The following CEP112 variants were observed in gnomAD, a reference collection of about 807,000 sequenced individuals.
The protein encoded by CEP112 is centrosomal protein of 112 kDa.
CEP112 carries 127 observed loss-of-function variants against 153.0 expected under a neutral mutation model. That is an observed-to-expected ratio of 0.83 (90% CI 0.72 to 0.96). The LOEUF (loss-of-function observed/expected upper bound fraction) is 0.96, where lower values mean the gene tolerates loss of function less well. Ranked by LOEUF, CEP112 falls within the 40% of genes least tolerant of loss-of-function variation. The probability of loss-of-function intolerance (pLI) is 0.00; values close to 1 mark genes in which losing one functional copy is unlikely to be tolerated. For synonymous variants in CEP112, 358 were observed against 374.4 expected (o/e 0.96, Z 0.51); for missense variants, 1,089 against 1,101.2 (o/e 0.99, Z 0.16).
intron 24 of CEP112, among the ~76,000 whole-genome samples, chr17:65,668,306 C>T (rs796398598): frequency 7.9e-5 from 12 of 152,286 alleles, no homozygotes; most frequent in African/African-American, 2.9e-4. Context: ...ACATCGAAAA[C>T]ATCTCTGCCC....
intron 4 of CEP112, among the ~76,000 whole-genome samples, chr17:66,167,086 A>G (rs1290186035): frequency 6.6e-6 from 1 of 152,178 alleles, no homozygotes; most frequent in Admixed American, 6.5e-5. Context: ...TTATTTTGAT[A>G]TTGTGCAGGA....
intron 4 of CEP112, among the ~76,000 whole-genome samples, chr17:66,141,483 T>C (rs2070697476): frequency 6.6e-6 from 1 of 152,204 alleles, no homozygotes; most frequent in African/African-American, 2.4e-5. Flanking sequence ...GCAGCTATAA[T>C]CACAGTGTTG....
intron 10 of CEP112, among the ~76,000 whole-genome samples, chr17:66,065,110 A>G (rs1014782997): frequency 6.6e-6 from 1 of 152,108 alleles, no homozygotes; most frequent in Non-Finnish European, 1.5e-5. Flanking sequence ...CTTCTCATTC[A>G]CTAAATCATG....
intron 24 of CEP112, among the ~76,000 whole-genome samples, chr17:65,645,502 C>G (rs1360431555): frequency 6.6e-6 from 1 of 152,078 alleles, no homozygotes; most frequent in African/African-American, 2.4e-5. Flanking sequence ...TGGTTTCAAT[C>G]TCTGTAATCT....
At chr17:65,744,259 G>C (rs891622859) in intron 22 of CEP112, among the ~76,000 whole-genome samples, 2 of 151,314 alleles carry the variant, frequency 1.3e-5, no homozygotes, top group African/African-American at 4.9e-5. Flanking sequence ...TTGTTTGTTT[G>C]TTTGTTTGTT....
chr17:65,943,999 T>A (rs1163515067), intron 18 of CEP112, among the ~76,000 whole-genome samples: 1 of 152,230 alleles, frequency 6.6e-6, no homozygotes, highest in East Asian at 1.9e-4. Context: ...TTTTGAGACT[T>A]GTCGTTGCAT....
chr17:65,931,807 A>G (rs986523951), intron 18 of CEP112, among the ~76,000 whole-genome samples: 1 of 152,230 alleles, frequency 6.6e-6, no homozygotes, highest in Non-Finnish European at 1.5e-5. Context: ...ATACAATCTT[A>G]GCAGTGATTG....
chr17:65,753,086 T>C (rs1015518555), intron 21 of CEP112, among the ~76,000 whole-genome samples: 1 of 152,206 alleles, frequency 6.6e-6, no homozygotes, highest in Non-Finnish European at 1.5e-5. Flanking sequence ...GGAGTAGAGA[T>C]AAAAACAGGT....
intron 4 of CEP112, among the ~76,000 whole-genome samples, chr17:66,165,027 A>C (rs2071892383): frequency 6.6e-6 from 1 of 151,182 alleles, no homozygotes; most frequent in Non-Finnish European, 1.5e-5. Flanking sequence ...TCACCAAAAA[A>C]GGGAGCTGCC....
At chr17:66,044,359 T>G (rs2066111246) in intron 12 of CEP112, among the ~76,000 whole-genome samples, 2 of 152,074 alleles carry the variant, frequency 1.3e-5, no homozygotes. Flanking sequence ...GAAAATGTAT[T>G]TTAGATTTAA....
At chr17:65,700,247 T>A (rs534369662) in intron 23 of CEP112, among the ~76,000 whole-genome samples, 1 of 152,302 alleles carries the variant, frequency 6.6e-6, no homozygotes, top group African/African-American at 2.4e-5. Flanking sequence ...AATCTGGGCA[T>A]ATCGCATGTA....
At chr17:65,919,094 C>G (rs540621529) in intron 19 of CEP112, among the ~76,000 whole-genome samples, 1 of 152,136 alleles carries the variant, frequency 6.6e-6, no homozygotes, top group Non-Finnish European at 1.5e-5. Flanking sequence ...ATGAATAGCA[C>G]CCCCCTGGGG....
At chr17:66,041,732 A>G (rs998239775) in intron 12 of CEP112, among the ~76,000 whole-genome samples, 1 of 152,236 alleles carries the variant, frequency 6.6e-6, no homozygotes, top group Non-Finnish European at 1.5e-5. Context: ...CAACAAAATG[A>G]AGAAATATTG....
chr17:66,040,441 T>C (rs1387704796), intron 12 of CEP112, among the ~76,000 whole-genome samples: 1 of 151,998 alleles, frequency 6.6e-6, no homozygotes, highest in African/African-American at 2.4e-5. Context: ...CTTTATTGAA[T>C]AAAGGAATTG....
At chr17:65,944,450 T>A (rs2061590430) in intron 18 of CEP112, among the ~76,000 whole-genome samples, 1 of 152,262 alleles carries the variant, frequency 6.6e-6, no homozygotes, top group Non-Finnish European at 1.5e-5. Context: ...AAGAATCATA[T>A]TTCTTTATTA....
rs1377854334 is a variant in CEP112 at position 65,890,668 on chromosome 17, T to C, written c.2163+11484A>G. On this transcript the variant is annotated intron_variant, in intron 20 of 26. Coordinates refer to ENST00000535342, the MANE Select transcript of CEP112 (RefSeq NM_001199165.4). The stretch of plus-strand genomic sequence containing the variant: ...GATGCTGGCATTGTCACCAGTTACA[T>C]ACCTGGTGGACAGGCAGGTGTACAG... Among the ~76,000 whole-genome samples the C allele has an allele frequency of 2.0e-5, 3 of 152,192 alleles. No homozygotes were observed. The East Asian group carries it at 5.8e-4, about 29-fold the overall frequency.
chr17:66,087,196 A>G (rs558132915), intron 8 of CEP112, among the ~76,000 whole-genome samples: 1 of 152,226 alleles, frequency 6.6e-6, no homozygotes, highest in Non-Finnish European at 1.5e-5. Context: ...CACATTTAAA[A>G]ATGAATTTCT....
At chr17:65,747,870 T>C (rs1428612873) in intron 22 of CEP112, among the ~76,000 whole-genome samples, 3 of 152,216 alleles carry the variant, frequency 2.0e-5, no homozygotes, top group Non-Finnish European at 4.4e-5. Flanking sequence ...GGAAAATCTT[T>C]AAAATATTTT....
chr17:65,847,817 G>A (rs1437775293), intron 21 of CEP112, among the ~76,000 whole-genome samples: 6 of 152,196 alleles, frequency 3.9e-5, no homozygotes. Context: ...GGTCGGGGAA[G>A]GATGCTCTGA....
Sources: allele counts gnomAD v4.1 joint callset (sites outside exome capture counted in the v4.1 genomes callset), GRCh38; gene constraint gnomAD v4.1.1; transcripts MANE v1.5; gene names NCBI Gene and HGNC (gene_info 2026-07-23, HGNC 2026-07-21).